Variants in DTD1 observed in about 807,000 individuals in gnomAD.
DTD1 encodes D-aminoacyl-tRNA deacylase 1, also known as D-tyrosyl-tRNA deacylase 1 homolog.
DTD1 carries 13 observed loss-of-function variants against 25.6 expected under a neutral mutation model. That is an observed-to-expected ratio of 0.51 (90% CI 0.33 to 0.81). DTD1 has a LOEUF of 0.81. DTD1 is among the 30% of genes least tolerant of loss of function. The pLI is 0.02. For missense variants in DTD1, 193 were observed against 266.4 expected (o/e 0.72, Z 1.92); for synonymous variants, 110 against 103.6 (o/e 1.06, Z -0.37).
Position 18,754,559 on chromosome 20 carries a change from C to T in DTD1, c.*20-8801C>T, listed in dbSNP as rs534392608. Among the ~76,000 whole-genome samples the T allele has an allele frequency of 8.4e-4, 128 of 152,312 alleles. 1 individual carries two copies. The highest frequency in any genetic ancestry group is 2.9e-3 in the African/African-American group (120 of 41,568). On this transcript the variant is annotated intron_variant, in intron 5 of 5. Coordinates refer to ENST00000377452, the MANE Select transcript of DTD1 (RefSeq NM_080820.6). ...TTCTGAATTTCAAGCCTCAATGGTC[C>T]ACCCTTTTCTGGAGAACCATGTGTT...
chr20:18,699,029 G>A (rs2061091458), intron 4 of DTD1, among the ~76,000 whole-genome samples: 1 of 152,160 alleles, frequency 6.6e-6, no homozygotes. Flanking sequence ...GGGCAGAGCT[G>A]GGTTACTGTC....
intron 4 of DTD1, among the ~76,000 whole-genome samples, chr20:18,734,864 G>A (rs1477548360): frequency 6.6e-6 from 1 of 152,142 alleles, no homozygotes; most frequent in Non-Finnish European, 1.5e-5. Context: ...TGAGTTAATG[G>A]GCTAATGGAT....
chr20:18,591,682 T>C (rs1378625485), intron 1 of DTD1, among the ~76,000 whole-genome samples: 2 of 152,214 alleles, frequency 1.3e-5, no homozygotes, highest in Non-Finnish European at 2.9e-5. Context: ...ATGATAGATA[T>C]AACTTCATGA....
intron 5 of DTD1, among the ~76,000 whole-genome samples, chr20:18,761,185 G>T (rs1202709410): frequency 6.6e-6 from 1 of 152,020 alleles, no homozygotes; most frequent in African/African-American, 2.4e-5. Flanking sequence ...GCGCTTCCCG[G>T]GCGAGGCGAT....
rs562894446 is a variant in DTD1, at chr20:18,689,923, G to A, written c.478-54177G>A. 1.2e-4 allele frequency among the ~76,000 whole-genome samples: 18 copies of A among 151,338 alleles called. 2 individuals carry two copies. In the South Asian group the frequency reaches 3.6e-3, roughly 30 times the overall value. On this transcript the variant is annotated intron_variant, in intron 4 of 5. Coordinates refer to ENST00000377452, the MANE Select transcript of DTD1 (RefSeq NM_080820.6). Reference sequence around the variant, plus strand: ...AGGCTGGGGCAGGAGGATTACTTGAGGCCAAGAGTTAAAGACCAGCCTGGG... The same window carrying A: ...AGGCTGGGGCAGGAGGATTACTTGAAGCCAAGAGTTAAAGACCAGCCTGGG...
chr20:18,700,792 G>A (rs1343445840), intron 4 of DTD1, among the ~76,000 whole-genome samples: 1 of 152,166 alleles, frequency 6.6e-6, no homozygotes, highest in African/African-American at 2.4e-5. Flanking sequence ...AAGGTTCCTG[G>A]AACTTGAGGG....
In DTD1 at chr20:18,629,296, C is replaced by CTTTTTTT. The variant is rs35174616; in HGVS notation, c.477+1079_477+1085dup. On this transcript the variant is annotated intron_variant, in intron 4 of 5. Coordinates refer to ENST00000377452, the MANE Select transcript of DTD1 (RefSeq NM_080820.6). ...CAGGTGTAATCCCACTGTGCTCGGC[C>CTTTTTTT]TTTTTTTTTTTTTTTTTTTTTTGAG... is the stretch of plus-strand genomic sequence containing the variant. Among the ~76,000 whole-genome samples the CTTTTTTT allele has an allele frequency of 4.8e-4, 33 of 69,238 alleles. 1 individual carries two copies. The highest frequency in any genetic ancestry group is 6.2e-4 in the Non-Finnish European group (24 of 38,432). 45.4% of individuals were successfully genotyped at this position (69,238 alleles called of 152,430 possible).
At chr20:18,619,392 A>G (rs951620275) in intron 3 of DTD1, among the ~76,000 whole-genome samples, 2 of 152,096 alleles carry the variant, frequency 1.3e-5, no homozygotes, top group African/African-American at 4.8e-5. Flanking sequence ...ATTACAAAGA[A>G]ATTTGGCTAT....
intron 1 of DTD1, among the ~76,000 whole-genome samples, chr20:18,592,831 C>T (rs1036165539): frequency 3.3e-5 from 5 of 151,716 alleles, no homozygotes; most frequent in African/African-American, 9.7e-5. Context: ...TACAGGCGCC[C>T]GCCACCATGC....
rs1156624541 is a variant in DTD1, at chr20:18,749,848, C to T, written c.*19+5577C>T. 6.6e-6 allele frequency among the ~76,000 whole-genome samples: 1 copy of T among 152,166 alleles called. No homozygotes were observed. Among genetic ancestry groups the T allele is most frequent in the African/African-American group, 2.4e-5 (1 of 41,426 alleles). On this transcript the variant is annotated intron_variant, in intron 5 of 5. Coordinates refer to ENST00000377452, the MANE Select transcript of DTD1 (RefSeq NM_080820.6). This position sits in a 1 kb window ranked among gnomAD's most constrained non-coding sequence, Gnocchi z 4.2. The stretch of plus-strand genomic sequence containing the variant: ...GGAACGCCCCTATTGCTACTCAGCG[C>T]ATGGAGGCTCATGAACAAGTTTAGA...
chr20:18,625,121 A>G (rs2060751927), intron 3 of DTD1, among the ~76,000 whole-genome samples: 1 of 152,180 alleles, frequency 6.6e-6, no homozygotes, highest in Non-Finnish European at 1.5e-5. Context: ...GCTGTTGCAG[A>G]GCCAAGTGGA....
intron 4 of DTD1, among the ~76,000 whole-genome samples, chr20:18,707,556 G>A (rs891337851): frequency 7.2e-5 from 11 of 152,232 alleles, no homozygotes; most frequent in South Asian, 2.1e-4. Flanking sequence ...TAAAGGGAGC[G>A]AGCACTGATC....
chr20:18,725,885 A>C lies in DTD1; in HGVS notation c.478-18215A>C, dbSNP rs532796046. On this transcript the variant is annotated intron_variant, in intron 4 of 5. Coordinates refer to ENST00000377452, the MANE Select transcript of DTD1 (RefSeq NM_080820.6). ...TTCCCAGGTCTTGGTGTCTGGTGTG[A>C]CATTTTATCCCTAGGATTCAGACAG... 3.3e-5 allele frequency among the ~76,000 whole-genome samples: 5 copies of C among 152,332 alleles called. No individual in the cohort carries two copies. The East Asian group carries it at 9.6e-4, about 29-fold the overall frequency.
At chr20:18,676,566 A>C (rs1249557916) in intron 4 of DTD1, among the ~76,000 whole-genome samples, 3 of 152,138 alleles carry the variant, frequency 2.0e-5, no homozygotes, top group African/African-American at 7.2e-5. Flanking sequence ...AATAAATTGG[A>C]AAATTGACGG....
At position 18,647,573 on chromosome 20, in the gene DTD1, A is replaced by G. The variant is rs566354275; in HGVS notation, c.477+19340A>G. 2.0e-5 allele frequency among the ~76,000 whole-genome samples: 3 copies of G among 152,276 alleles called. No individual in the cohort carries two copies. The South Asian group carries it at 6.2e-4, about 32-fold the overall frequency. ...TGGTGCATGCCCAGAAGATCAGGAC[A>G]CGAGCATGGAGGCTTGAACCTCCTG... On this transcript the variant is annotated intron_variant, in intron 4 of 5. Coordinates refer to ENST00000377452, the MANE Select transcript of DTD1 (RefSeq NM_080820.6).
At chr20:18,683,115 G>T (rs1048186122) in intron 4 of DTD1, among the ~76,000 whole-genome samples, 2 of 152,180 alleles carry the variant, frequency 1.3e-5, no homozygotes, top group Non-Finnish European at 2.9e-5. Context: ...ATCTATCTTG[G>T]AGTGCCATTT....
intron 4 of DTD1, among the ~76,000 whole-genome samples, chr20:18,693,834 C>G (rs1464132796): frequency 2.0e-5 from 3 of 152,142 alleles, no homozygotes; most frequent in Non-Finnish European, 4.4e-5. Context: ...ACAAGCCCAT[C>G]AGTAAACGAG....
intron 4 of DTD1, among the ~76,000 whole-genome samples, chr20:18,639,559 C>G (rs554649445): frequency 6.6e-6 from 1 of 151,918 alleles, no homozygotes; most frequent in Non-Finnish European, 1.5e-5. Flanking sequence ...ACTGTGGGCT[C>G]CAGCGTGCCT....
intron 3 of DTD1, among the ~76,000 whole-genome samples, chr20:18,627,003 C>A (rs2060761980): frequency 6.6e-6 from 1 of 152,190 alleles, no homozygotes; most frequent in Admixed American, 6.5e-5. Flanking sequence ...GTTAGTCTGA[C>A]ATGGATGAGA....
Sources: gnomAD v4.1 joint callset for allele counts (sites outside exome capture counted in the v4.1 genomes callset) on GRCh38, gnomAD v4.1.1 for gene constraint, Gnocchi (gnomAD v3.1) non-coding constraint, MANE v1.5 for transcripts, NCBI Gene and HGNC (gene_info 2026-07-23, HGNC 2026-07-21) for gene names.